Variants in GRAMD1C observed in about 807,000 individuals in gnomAD.
GRAMD1C encodes protein Aster-C.
GRAMD1C carries 89 observed loss-of-function variants against 97.8 expected under a neutral mutation model. The ratio of observed to expected loss-of-function variants is 0.91; its 90% CI spans 0.77 to 1.09. The LOEUF (loss-of-function observed/expected upper bound fraction) is 1.09, where lower values mean the gene tolerates loss of function less well. Among genes scored for constraint, GRAMD1C ranks in the 50% least tolerant of loss-of-function variants. GRAMD1C has a pLI of 0.00. For synonymous variants in GRAMD1C, 256 were observed against 267.0 expected (o/e 0.96, Z 0.40); for missense variants, 740 against 766.4 (o/e 0.97, Z 0.41).
At chr3:113,929,143 TA>T (rs1937326053) in intron 10 of GRAMD1C, among the ~76,000 whole-genome samples, 1 of 152,252 alleles carries the variant, frequency 6.6e-6, no homozygotes, top group Admixed American at 6.5e-5. Flanking sequence ...TTATTATTTA[TA>T]ATAGCTATCC....
intron 2 of GRAMD1C, among the ~76,000 whole-genome samples, chr3:113,867,703 T>C (rs1367747150): frequency 1.3e-5 from 2 of 152,214 alleles, no homozygotes; most frequent in African/African-American, 4.8e-5. Context: ...GATGAGTCAA[T>C]TTTTTTCTTG....
intron 6 of GRAMD1C, among the ~76,000 whole-genome samples, chr3:113,889,749 C>T (rs1305225681): frequency 6.6e-6 from 1 of 152,036 alleles, no homozygotes; most frequent in African/African-American, 2.4e-5. Context: ...AGTGATTCTC[C>T]TGCCTCAGCC....
chr3:113,855,028 T>G (rs2107341458), intron 2 of GRAMD1C, among the ~76,000 whole-genome samples: 1 of 152,260 alleles, frequency 6.6e-6, no homozygotes, highest in Non-Finnish European at 1.5e-5. Context: ...ACAGTGACAC[T>G]GAGCTGAGCA....
intron 10 of GRAMD1C, among the ~76,000 whole-genome samples, chr3:113,924,107 C>A (rs200369251): frequency 2.6e-5 from 2 of 75,942 alleles, no homozygotes; most frequent in East Asian, 4.2e-4. Flanking sequence ...TTTTTTTTTT[C>A]TGTGGGGTCG....
intron 5 of GRAMD1C, among the ~76,000 whole-genome samples, chr3:113,876,848 A>AT (rs1935059068): frequency 1.4e-5 from 2 of 146,004 alleles, no homozygotes; most frequent in African/African-American, 5.1e-5. Context: ...AAGGAAAGAA[A>AT]GAAAAAAAAA....
Position 113,938,117 on chromosome 3 carries a change from C to A in GRAMD1C, c.1665C>A (p.Val555=). The part of the protein sequence containing the change: ...GKKKEMENYN[V]TLIVVMSIFV... ...AAAAGGAAATGGAAAACTATAACGT[C>A]ACTCTTATTGTGGTAATGAGTATTT... Residue 555 remains valine, a synonymous_variant, in exon 15 of 18, where the codon GTC becomes GTA. Coordinates refer to ENST00000358160, the MANE Select transcript of GRAMD1C (RefSeq NM_017577.5). 6.5e-7 allele frequency: 1 copy of A among 1,534,802 alleles called. No individual in the cohort carries two copies. The highest frequency in any genetic ancestry group is 8.9e-7 in the Non-Finnish European group (1 of 1,123,618).
chr3:113,927,743 G>A (rs1275819930), intron 10 of GRAMD1C, among the ~76,000 whole-genome samples: 2 of 152,200 alleles, frequency 1.3e-5, no homozygotes, highest in African/African-American at 4.8e-5. Context: ...GTGTTTCCTG[G>A]GGCAACAGGA....
chr3:113,849,487 G>T (rs1933767363), intron 2 of GRAMD1C, among the ~76,000 whole-genome samples: 1 of 151,476 alleles, frequency 6.6e-6, no homozygotes, highest in Admixed American at 6.6e-5. Context: ...TTAGGGAGTG[G>T]TGATGACTCT....
At chr3:113,934,628 G>A (rs1937542462) in intron 13 of GRAMD1C, 93 bp downstream of exon 13, 5 of 642,796 alleles carry the variant, frequency 7.8e-6, no homozygotes, top group East Asian at 2.9e-5. Flanking sequence ...ACAGAAAACT[G>A]GTCAATGATG....
At chr3:113,857,378 C>CT (rs58917498) in intron 2 of GRAMD1C, among the ~76,000 whole-genome samples, 35 of 128,166 alleles carry the variant, frequency 2.7e-4, no homozygotes, top group African/African-American at 7.4e-4. Flanking sequence ...TCTTGTATTC[C>CT]TTTTTTTTTT....
chr3:113,901,887 A>G (rs1159560036), intron 7 of GRAMD1C, among the ~76,000 whole-genome samples: 2 of 152,246 alleles, frequency 1.3e-5, no homozygotes, highest in Non-Finnish European at 2.9e-5. Flanking sequence ...GTATGATTCC[A>G]TGTATGTGAA....
At chr3:113,944,989 G>A (rs1201197170) in intron 17 of GRAMD1C, among the ~76,000 whole-genome samples, 1 of 152,232 alleles carries the variant, frequency 6.6e-6, no homozygotes, top group Non-Finnish European at 1.5e-5. Flanking sequence ...TACATGAAGA[G>A]TGTGAATATG....
At chr3:113,884,853 A>T (rs954063741) in intron 6 of GRAMD1C, among the ~76,000 whole-genome samples, 7 of 150,938 alleles carry the variant, frequency 4.6e-5, no homozygotes, top group African/African-American at 1.7e-4. Context: ...AAGAAAAAAA[A>T]AAAGAAAAAA....
chr3:113,840,643 C>A (rs571779997), intron 1 of GRAMD1C, among the ~76,000 whole-genome samples: 1 of 151,682 alleles, frequency 6.6e-6, no homozygotes, highest in African/African-American at 2.4e-5. Context: ...GTGGTCCTAG[C>A]TATTTGGGAG....
At chr3:113,856,523 T>TTATG (rs10660348) in intron 2 of GRAMD1C, among the ~76,000 whole-genome samples, 75,876 of 150,830 alleles carry the variant, frequency 0.5, 19,560 homozygotes, top group Middle Eastern at 0.66. Flanking sequence ...ATTTATTTCT[T>TTATG]TATGTATGTA....
chr3:113,920,457 T>C (rs963626743), intron 10 of GRAMD1C, among the ~76,000 whole-genome samples: 1 of 152,244 alleles, frequency 6.6e-6, no homozygotes, highest in African/African-American at 2.4e-5. Flanking sequence ...CTTCACACTT[T>C]GATGATAAGC....
chr3:113,891,040 C>T (rs1577171448), intron 6 of GRAMD1C: 1 of 346,968 alleles, frequency 2.9e-6, no homozygotes, highest in Non-Finnish European at 5.2e-6. Context: ...ACCATTTTCA[C>T]AGTAGTTATA....
chr3:113,878,404 G>T (rs912591197), intron 5 of GRAMD1C, among the ~76,000 whole-genome samples: 7 of 152,108 alleles, frequency 4.6e-5, no homozygotes, highest in African/African-American at 1.7e-4. Context: ...TTTCTTTTAG[G>T]GGAAACTGAA....
rs147812254 is a variant in GRAMD1C at position 113,829,525 on chromosome 3, C to T, written n.98+1246C>T. 4.6e-5 allele frequency among the ~76,000 whole-genome samples: 7 copies of T among 152,070 alleles called. No individual in the cohort carries two copies. In the East Asian group the frequency reaches 1.2e-3, roughly 25 times the overall value. Reference sequence around the variant, plus strand: ...TTGTGCAACTACAAAAAAAAAATGACACAACTGTGGAGGGTGGTTTCACTT... The same window carrying T: ...TTGTGCAACTACAAAAAAAAAATGATACAACTGTGGAGGGTGGTTTCACTT... On this transcript the variant is annotated intron_variant and non_coding_transcript_variant, in intron 1 of 18. Coordinates refer to the GRAMD1C transcript ENST00000479212.
Sources: allele counts gnomAD v4.1 joint callset (sites outside exome capture counted in the v4.1 genomes callset), GRCh38; gene constraint gnomAD v4.1.1; transcripts MANE v1.5; gene names NCBI Gene and HGNC (gene_info 2026-07-23, HGNC 2026-07-21).